HACD4: variants seen among roughly 807,000 people sequenced by gnomAD.
HACD4 encodes 3-hydroxyacyl-CoA dehydratase 4.
HACD4 carries 35 observed loss-of-function variants against 33.3 expected under a neutral mutation model. The ratio of observed to expected loss-of-function variants is 1.05; its 90% CI spans 0.80 to 1.39. HACD4 has a LOEUF of 1.39. Among genes scored for constraint, HACD4 ranks in the 40% most tolerant of loss-of-function variants. HACD4 has a pLI of 0.00. For synonymous variants in HACD4, 118 were observed against 98.0 expected (o/e 1.20, Z -1.21); for missense variants, 323 against 276.5 (o/e 1.17, Z -1.19).
intron 3 of HACD4, among the ~76,000 whole-genome samples, chr9:21,018,931 TACTTCA>T (rs751893550): frequency 6.6e-6 from 1 of 152,126 alleles, no homozygotes; most frequent in Non-Finnish European, 1.5e-5. Context: ...GTAAAAATGA[TACTTCA>T]ACTACAGGAA....
chr9:21,027,654 G>T (rs1464872656), intron 2 of HACD4, among the ~76,000 whole-genome samples: 1 of 152,204 alleles, frequency 6.6e-6, no homozygotes, highest in Admixed American at 6.5e-5. Flanking sequence ...CGTGAAGGAA[G>T]AAGGTAGCAG....
intron 4 of HACD4, 35 bp downstream of exon 4, chr9:21,015,863 T>G: frequency 1.4e-6 from 2 of 1,388,472 alleles, no homozygotes; most frequent in South Asian, 1.2e-5. Flanking sequence ...GAAAGCAATT[T>G]AGCCTTGTTT....
intron 3 of HACD4, among the ~76,000 whole-genome samples, chr9:21,023,971 C>T (rs1478667285): frequency 2.0e-5 from 3 of 152,214 alleles, no homozygotes; most frequent in East Asian, 1.9e-4. Flanking sequence ...CTCTTAACTA[C>T]AGTTTCTTCA....
At position 21,026,717 on chromosome 9, in the gene HACD4, A is replaced by G. The variant is rs369505186; in HGVS notation, c.149T>C (p.Met50Thr). 7.4e-6 allele frequency: 12 copies of G among 1,613,424 alleles called. No homozygotes were observed. The African/African-American group carries it at 1.5e-4, about 20-fold the overall frequency. Residue 50 changes from methionine (M) to threonine (T), a missense_variant, in exon 3 of 7, where the codon ATG becomes ACG. Coordinates refer to ENST00000495827, the MANE Select transcript of HACD4 (RefSeq NM_001010915.5). ...TCCAATAGCATAAAAAGTGTCAACC[A>G]TTGAATCTGTATCCCGTGGGTTAAA... Reference protein sequence around the residue: ...VRFFSFGKDSMVDTFYAIGLV... With the variant: ...VRFFSFGKDSTVDTFYAIGLV...
In HACD4 at chr9:21,027,208, T is replaced by C. The variant is rs184988373; in HGVS notation, c.143-485A>G. On this transcript the variant is annotated intron_variant, in intron 2 of 6. Coordinates refer to ENST00000495827, the MANE Select transcript of HACD4 (RefSeq NM_001010915.5). Reference sequence around the variant, plus strand: ...ATGCCATGATATCAAATAACATAGGTATCTAGGATTTTGTTTCTATACATA... The same window carrying C: ...ATGCCATGATATCAAATAACATAGGCATCTAGGATTTTGTTTCTATACATA... 6.2e-4 allele frequency among the ~76,000 whole-genome samples: 95 copies of C among 152,314 alleles called. 1 individual carries two copies. The East Asian group carries it at 0.017, about 27-fold the overall frequency.
intron 3 of HACD4, among the ~76,000 whole-genome samples, chr9:21,020,581 A>G (rs1288939695): frequency 6.6e-6 from 1 of 152,140 alleles, no homozygotes; most frequent in Non-Finnish European, 1.5e-5. Flanking sequence ...CCAATTCAAC[A>G]TTTTTTTCTA....
Position 21,031,636 on chromosome 9 carries a change from C to A in HACD4, c.-46G>T. Reference sequence around the variant, plus strand: ...TCCAGCGCGGTCCAGGAAGGAGTACCGGGGAGGAGGCAGGGGCGGCCCCGC... The same window carrying A: ...TCCAGCGCGGTCCAGGAAGGAGTACAGGGGAGGAGGCAGGGGCGGCCCCGC... On this transcript the variant is annotated 5_prime_UTR_variant, in exon 1 of 7. Transcript: ENST00000495827. 1.5e-6 allele frequency: 2 copies of A among 1,346,932 alleles called. No individual in the cohort carries two copies. The highest frequency in any genetic ancestry group is 1.9e-6 in the Non-Finnish European group (2 of 1,053,480). 83.4% of individuals were successfully genotyped at this position (1,346,932 alleles called of 1,614,324 possible).
At position 21,031,595 on chromosome 9, in the gene HACD4, C is replaced by G. The variant is rs972761844; in HGVS notation, c.-5G>C. 2.1e-6 allele frequency: 3 copies of G among 1,430,024 alleles called. No individual in the cohort carries two copies. The highest frequency in any genetic ancestry group is 6.0e-5 in the East Asian group (2 of 33,086). 88.6% of individuals were successfully genotyped at this position (1,430,024 alleles called of 1,614,324 possible). A position where few individuals can be genotyped will look rare whatever the true frequency, so the allele number is the denominator to read the frequency against. On this transcript the variant is annotated 5_prime_UTR_variant, in exon 1 of 7. Transcript: ENST00000495827. ...GGGCAGCGCCAAGGGCCCCATGGGC[C>G]GCCGCCGCCAGGGCTTCCAGCGCGG... is the stretch of plus-strand genomic sequence containing the variant.
At position 21,006,601 on chromosome 9, in the gene HACD4, C is replaced by A. The variant is rs35893324; in HGVS notation, c.*436G>T. 54,842 of 215,716 alleles carry A rather than the reference C, an allele frequency of 0.25. 7,602 individuals carry two copies. Among genetic ancestry groups the A allele is most frequent in the Middle Eastern group, 0.35 (197 of 570 alleles). 13.4% of individuals were successfully genotyped at this position (215,716 alleles called of 1,614,324 possible). A position where few individuals can be genotyped will look rare whatever the true frequency, so the allele number is the denominator to read the frequency against. Reference sequence around the variant, plus strand: ...CTATGAAATATGTTATTCTAGGCAACTGTGGAATATATTTTCCATCCCTCT... The same window carrying A: ...CTATGAAATATGTTATTCTAGGCAAATGTGGAATATATTTTCCATCCCTCT... On this transcript the variant is annotated 3_prime_UTR_variant, in exon 7 of 7. Coordinates refer to ENST00000495827, the MANE Select transcript of HACD4 (RefSeq NM_001010915.5). This position sits in a 1 kb window ranked among gnomAD's most constrained non-coding sequence, Gnocchi z 4.6.
rs77334295 is a variant in HACD4, at chr9:21,014,928, T to C, written c.383+970A>G. 3.1e-3 allele frequency among the ~76,000 whole-genome samples: 473 copies of C among 152,252 alleles called. 4 individuals carry two copies. Among genetic ancestry groups the C allele is most frequent in the African/African-American group, 0.011 (454 of 41,542 alleles). ...TTCTCTGACACTGAAAGAGTAAGCA[T>C]AGCCAAGAGTAACATACTAGAAAGC... On this transcript the variant is annotated intron_variant, in intron 4 of 6. Coordinates refer to ENST00000495827, the MANE Select transcript of HACD4 (RefSeq NM_001010915.5).
rs910760220 is a variant in HACD4, at chr9:21,000,970, C to T, written c.*6067G>A. Reference sequence around the variant, plus strand: ...GGAATAGTTTAAAAAAAAACATTAACTTAGGGACCTTAGTGAGATGTAGTT... The same window carrying T: ...GGAATAGTTTAAAAAAAAACATTAATTTAGGGACCTTAGTGAGATGTAGTT... On this transcript the variant is annotated 3_prime_UTR_variant, in exon 7 of 7. Transcript: ENST00000495827. The T allele has an allele frequency of 6.6e-6, 1 of 151,930 alleles. No homozygotes were observed. The highest frequency in any genetic ancestry group is 2.4e-5 in the African/African-American group (1 of 41,380). The allele number at this position is 151,930 out of a possible 1,614,324, so 9.4% of individuals were successfully genotyped here. A position where few individuals can be genotyped will look rare whatever the true frequency, so the allele number is the denominator to read the frequency against.
chr9:21,012,436 A>G (rs1314388943), intron 4 of HACD4, among the ~76,000 whole-genome samples: 1 of 152,226 alleles, frequency 6.6e-6, no homozygotes, highest in Non-Finnish European at 1.5e-5. Flanking sequence ...GAGAACTACT[A>G]ATATAGACAG....
At chr9:21,027,946 C>T (rs1405730302) in intron 2 of HACD4, among the ~76,000 whole-genome samples, 4 of 151,892 alleles carry the variant, frequency 2.6e-5, no homozygotes, top group African/African-American at 7.3e-5. Context: ...ACCAGCCTGG[C>T]CAATGTGGTG....
intron 3 of HACD4, 98 bp downstream of exon 3, chr9:21,026,498 G>A: frequency 1.1e-6 from 1 of 944,216 alleles, no homozygotes; most frequent in Non-Finnish European, 1.6e-6. Flanking sequence ...CCTAAGACAA[G>A]GGTTGGCTTT....
intron 3 of HACD4, among the ~76,000 whole-genome samples, chr9:21,025,278 T>C (rs1008435136): frequency 6.6e-6 from 1 of 152,210 alleles, no homozygotes; most frequent in Admixed American, 6.5e-5. Context: ...AAACTTGTAA[T>C]GCTCAGTTCT....
intron 1 of HACD4, chr9:21,031,310 T>C (rs923893414): frequency 9.3e-6 from 3 of 322,960 alleles, no homozygotes; most frequent in Non-Finnish European, 1.3e-5. Flanking sequence ...GGGGTAGCCA[T>C]GCAGCCTGTC....
chr9:21,021,543 G>A (rs997403111), intron 3 of HACD4, among the ~76,000 whole-genome samples: 5 of 152,082 alleles, frequency 3.3e-5, no homozygotes, highest in Non-Finnish European at 7.4e-5. Context: ...TCAGGATACA[G>A]AATCAATGCG....
chr9:21,001,959 A>C lies in HACD4; in HGVS notation c.*5078T>G. ...TAAGGATCTCAGTAAAGAAAAATAC[A>C]TGGGCAATTATAAAATCTAGTACTT... On this transcript the variant is annotated 3_prime_UTR_variant, in exon 7 of 7. Coordinates refer to ENST00000495827, the MANE Select transcript of HACD4 (RefSeq NM_001010915.5). The C allele has an allele frequency of 6.6e-6, 1 of 152,154 alleles. No individual in the cohort carries two copies. Among genetic ancestry groups the C allele is most frequent in the East Asian group, 1.9e-4 (1 of 5,196 alleles). The allele number at this position is 152,154 out of a possible 1,614,324, so 9.4% of individuals were successfully genotyped here.
In HACD4 at chr9:21,010,038, C is replaced by A. The variant is rs117279137; in HGVS notation, c.490+1551G>T. On this transcript the variant is annotated intron_variant, in intron 5 of 6. Transcript: ENST00000495827. ...ATTTACAGTAACAAGCTCTTTTTAT[C>A]TGCTCATCAGTAGATAGAAAATATG... 2.2e-3 allele frequency among the ~76,000 whole-genome samples: 342 copies of A among 152,272 alleles called. 9 individuals are homozygous for A. The East Asian group carries it at 0.043, about 19-fold the overall frequency.
Sources: gnomAD v4.1 joint callset for allele counts (sites outside exome capture counted in the v4.1 genomes callset) on GRCh38, gnomAD v4.1.1 for gene constraint, Gnocchi (gnomAD v3.1) non-coding constraint, MANE v1.5 for transcripts, NCBI Gene and HGNC (gene_info 2026-07-23, HGNC 2026-07-21) for gene names.